The following IL1RAPL1 variants were observed in gnomAD, a reference collection of about 807,000 sequenced individuals.
The protein encoded by IL1RAPL1 is interleukin-1 receptor accessory protein-like 1.
IL1RAPL1 carries 3 observed loss-of-function variants against 48.4 expected under a neutral mutation model. The observed-to-expected ratio is 0.06, with a 90% confidence interval of 0.03 to 0.16. IL1RAPL1 has a LOEUF of 0.16. Ranked by LOEUF, IL1RAPL1 falls within the 10% of genes least tolerant of loss-of-function variation. The pLI is 1.00. For synonymous variants in IL1RAPL1, 185 were observed against 187.7 expected (o/e 0.99, Z 0.12); for missense variants, 349 against 530.6 (o/e 0.66, Z 3.36).
chrX:29,350,114 G>C (rs1297707888), intron 3 of IL1RAPL1, among the ~76,000 whole-genome samples: 3 of 98,812 alleles, frequency 3.0e-5, no homozygotes, highest in African/African-American at 1.2e-4. Context: ...ACAGTTTCCA[G>C]TCATATCACT....
At chrX:29,548,300 C>T (rs12007306) in intron 5 of IL1RAPL1, among the ~76,000 whole-genome samples, 19,580 of 111,759 alleles carry the variant, frequency 0.18, 2,622 homozygotes, top group African/African-American at 0.46. Flanking sequence ...CATCTGGTTT[C>T]AGCTTTTTAT....
intron 5 of IL1RAPL1, among the ~76,000 whole-genome samples, chrX:29,634,367 A>T (rs1214730301): frequency 9.2e-6 from 1 of 108,985 alleles, no homozygotes; most frequent in Non-Finnish European, 1.9e-5. Context: ...ACAGCTTTAT[A>T]AAAAAAATAA....
At chrX:28,911,277 T>A (rs1247026618) in intron 2 of IL1RAPL1, among the ~76,000 whole-genome samples, 1 of 111,696 alleles carries the variant, frequency 9.0e-6, no homozygotes, top group Admixed American at 9.6e-5. Context: ...ATAAAGCTTT[T>A]TTTTCTGGAA....
intron 2 of IL1RAPL1, among the ~76,000 whole-genome samples, chrX:29,275,720 T>G (rs1007451920): frequency 4.5e-5 from 5 of 112,002 alleles, no homozygotes; most frequent in Non-Finnish European, 7.5e-5. Flanking sequence ...CTATACATGG[T>G]TTTTGACAAG....
intron 5 of IL1RAPL1, among the ~76,000 whole-genome samples, chrX:29,512,217 C>A (rs997743261): frequency 2.7e-5 from 3 of 110,481 alleles, no homozygotes; most frequent in Non-Finnish European, 5.7e-5. Flanking sequence ...AGGTAACCAA[C>A]TGATTGTGGT....
chrX:28,603,419 C>T (rs1027315301), intron 1 of IL1RAPL1, among the ~76,000 whole-genome samples: 6 of 112,102 alleles, frequency 5.4e-5, no homozygotes, highest in Non-Finnish European at 5.6e-5. Context: ...ACTTTAGTTT[C>T]TGAATGCTAA....
chrX:29,901,819 A>G (rs1042098256), intron 6 of IL1RAPL1, among the ~76,000 whole-genome samples: 2 of 112,439 alleles, frequency 1.8e-5, no homozygotes, highest in African/African-American at 6.5e-5. Context: ...AATAGTGACT[A>G]TGTAATTAAA....
chrX:29,591,326 G>T (rs975501584), intron 5 of IL1RAPL1, among the ~76,000 whole-genome samples: 3 of 112,569 alleles, frequency 2.7e-5, no homozygotes, highest in Non-Finnish European at 5.6e-5. Flanking sequence ...GAAGTTCAGT[G>T]CACATGATGT....
chrX:28,719,326 G>C (rs1935540772), intron 1 of IL1RAPL1, among the ~76,000 whole-genome samples: 1 of 110,924 alleles, frequency 9.0e-6, no homozygotes, highest in Admixed American at 9.7e-5. Context: ...CTGCCTTATG[G>C]TAAGGATTCA....
At chrX:29,531,713 T>C (rs773403270) in intron 5 of IL1RAPL1, among the ~76,000 whole-genome samples, 19 of 112,167 alleles carry the variant, frequency 1.7e-4, no homozygotes, top group Non-Finnish European at 3.6e-4. Context: ...ACAGCCATGC[T>C]CTCTCTTAAG....
At chrX:29,087,847 C>T (rs1927989373) in intron 2 of IL1RAPL1, among the ~76,000 whole-genome samples, 1 of 111,734 alleles carries the variant, frequency 8.9e-6, no homozygotes, top group South Asian at 3.8e-4. Flanking sequence ...CCGGCCTGGG[C>T]AACATGGCAA....
At chrX:29,299,008 G>C (rs1932492310) in intron 3 of IL1RAPL1, among the ~76,000 whole-genome samples, 1 of 109,337 alleles carries the variant, frequency 9.1e-6, no homozygotes, top group African/African-American at 3.3e-5. Flanking sequence ...CCTTAATCTG[G>C]GTGGGCACCA....
At chrX:29,158,375 A>AT (rs1270933723) in intron 2 of IL1RAPL1, among the ~76,000 whole-genome samples, 20 of 110,526 alleles carry the variant, frequency 1.8e-4, no homozygotes, top group South Asian at 3.8e-4. Context: ...TTTGATGGTC[A>AT]TTTTTTTTCT....
At chrX:29,041,910 T>G (rs1926855322) in intron 2 of IL1RAPL1, among the ~76,000 whole-genome samples, 1 of 111,838 alleles carries the variant, frequency 8.9e-6, no homozygotes, top group African/African-American at 3.2e-5. Context: ...GAACAAGTGA[T>G]TTCTAGTTTT....
chrX:29,185,335 T>A (rs1800644904), intron 2 of IL1RAPL1, among the ~76,000 whole-genome samples: 1 of 111,491 alleles, frequency 9.0e-6, no homozygotes, highest in Non-Finnish European at 1.9e-5. Context: ...TCACAGAGGA[T>A]CTTAATGGCA....
At chrX:28,927,803 C>T (rs914942131) in intron 2 of IL1RAPL1, among the ~76,000 whole-genome samples, 2 of 111,067 alleles carry the variant, frequency 1.8e-5, no homozygotes, top group African/African-American at 3.3e-5. Flanking sequence ...CTGGTTTCCT[C>T]CCCTCTCAGT....
At chrX:29,348,493 C>G (rs181940359) in intron 3 of IL1RAPL1, among the ~76,000 whole-genome samples, 2 of 111,772 alleles carry the variant, frequency 1.8e-5, no homozygotes, top group African/African-American at 6.5e-5. Context: ...ATAGTGAAAG[C>G]TTTGACTAAG....
At chrX:29,413,988 A>G (rs1390232381) in intron 5 of IL1RAPL1, among the ~76,000 whole-genome samples, 1 of 110,758 alleles carries the variant, frequency 9.0e-6, no homozygotes, top group Admixed American at 9.7e-5. Flanking sequence ...ACAGTCACTT[A>G]TTTGCATCTA....
chrX:29,209,629 T>A (rs2147540761), intron 2 of IL1RAPL1, among the ~76,000 whole-genome samples: 1 of 112,213 alleles, frequency 8.9e-6, no homozygotes, highest in African/African-American at 3.2e-5. Flanking sequence ...ATCCAGCAAA[T>A]TTTGCCTCTT....
Sources: allele counts gnomAD v4.1 joint callset (sites outside exome capture counted in the v4.1 genomes callset), GRCh38; gene constraint gnomAD v4.1.1; transcripts MANE v1.5; gene names NCBI Gene and HGNC (gene_info 2026-07-23, HGNC 2026-07-21).